Variants in TOX observed in about 807,000 individuals in gnomAD.
TOX encodes the protein thymocyte selection associated high mobility group box.
In TOX, 11 loss-of-function variants were observed where a neutral mutation model predicts 53.7. That is an observed-to-expected ratio of 0.20 (90% CI 0.13 to 0.34). The LOEUF is 0.34. Ranked by LOEUF, TOX falls within the 10% of genes least tolerant of loss-of-function variation. The pLI is 1.00. For missense variants in TOX, 570 were observed against 664.6 expected (o/e 0.86, Z 1.56); for synonymous variants, 225 against 245.3 (o/e 0.92, Z 0.77).
At chr8:59,059,604 G>T (rs535146705) in intron 1 of TOX, among the ~76,000 whole-genome samples, 16 of 152,214 alleles carry the variant, frequency 1.1e-4, no homozygotes, top group Admixed American at 9.2e-4. Context: ...ATTCAAGAAA[G>T]AATCCCATAT....
At chr8:59,079,174 T>C (rs1191659321) in intron 1 of TOX, among the ~76,000 whole-genome samples, 2 of 152,164 alleles carry the variant, frequency 1.3e-5, no homozygotes, top group Non-Finnish European at 2.9e-5. Context: ...AAGCAGAGCA[T>C]AAAAGTTTGC....
At chr8:59,087,859 C>T (rs543859639) in intron 1 of TOX, among the ~76,000 whole-genome samples, 14 of 152,180 alleles carry the variant, frequency 9.2e-5, no homozygotes, top group Admixed American at 5.9e-4. Context: ...ATGTCACAAC[C>T]GATTATGTTT....
At chr8:58,824,770 A>C (rs887561672) in intron 6 of TOX, among the ~76,000 whole-genome samples, 17 of 152,234 alleles carry the variant, frequency 1.1e-4, no homozygotes, top group African/African-American at 4.1e-4. Flanking sequence ...AAGTCTAAGG[A>C]AAGGATTTCC....
At chr8:58,834,263 T>C (rs1398490247) in intron 5 of TOX, among the ~76,000 whole-genome samples, 1 of 152,210 alleles carries the variant, frequency 6.6e-6, no homozygotes, top group African/African-American at 2.4e-5. Context: ...TGGGCTATGA[T>C]GACAACAGGA....
chr8:58,996,200 T>C (rs1813558808), intron 1 of TOX, among the ~76,000 whole-genome samples: 1 of 152,212 alleles, frequency 6.6e-6, no homozygotes, highest in Non-Finnish European at 1.5e-5. Flanking sequence ...TTTCTATACA[T>C]GTATTGTTTA....
intron 1 of TOX, among the ~76,000 whole-genome samples, chr8:59,002,606 AC>A (rs776057170): frequency 1.1e-5 from 1 of 91,282 alleles, no homozygotes; most frequent in Non-Finnish European, 2.8e-5. Flanking sequence ...AACAACAACA[AC>A]AAAAAAAAAA....
chr8:58,968,275 G>A (rs1440864296), intron 1 of TOX, among the ~76,000 whole-genome samples: 2 of 152,162 alleles, frequency 1.3e-5, no homozygotes, highest in Non-Finnish European at 2.9e-5. Context: ...TTACAAAAAG[G>A]CCTCCACAGG....
At chr8:58,832,612 A>T (rs1488313561) in intron 5 of TOX, among the ~76,000 whole-genome samples, 1 of 152,194 alleles carries the variant, frequency 6.6e-6, no homozygotes. Flanking sequence ...CAGCTGCCTC[A>T]TAAGTATAAT....
chr8:58,893,398 T>G (rs1218481360), intron 3 of TOX, among the ~76,000 whole-genome samples: 1 of 152,234 alleles, frequency 6.6e-6, no homozygotes, highest in Non-Finnish European at 1.5e-5. Context: ...TATTTCCAGA[T>G]GATATTCACC....
At chr8:58,926,242 G>T (rs1585904908) in intron 3 of TOX, among the ~76,000 whole-genome samples, 1 of 152,166 alleles carries the variant, frequency 6.6e-6, no homozygotes, top group South Asian at 2.1e-4. Flanking sequence ...CCCTAGGCTG[G>T]GTGAGAGGAA....
chr8:59,070,634 G>GGA (rs774349697), intron 1 of TOX, among the ~76,000 whole-genome samples: 1 of 151,488 alleles, frequency 6.6e-6, no homozygotes, highest in Non-Finnish European at 1.5e-5. Flanking sequence ...TTGGTTAGAA[G>GGA]GAGAGAGAGA....
chr8:59,087,249 C>T (rs1804528402), intron 1 of TOX, among the ~76,000 whole-genome samples: 1 of 152,114 alleles, frequency 6.6e-6, no homozygotes, highest in African/African-American at 2.4e-5. Context: ...AGCTGGCATG[C>T]CCAAAACCGT....
chr8:59,051,827 T>C (rs1803796089), intron 1 of TOX, among the ~76,000 whole-genome samples: 1 of 152,188 alleles, frequency 6.6e-6, no homozygotes, highest in African/African-American at 2.4e-5. Context: ...CTCCCAATAC[T>C]GCCCTGATTT....
chr8:59,091,359 G>A (rs1056256048), intron 1 of TOX, among the ~76,000 whole-genome samples: 3 of 152,070 alleles, frequency 2.0e-5, no homozygotes, highest in Non-Finnish European at 4.4e-5. Context: ...TCCCTGGAAC[G>A]CTCTATTCTC....
At chr8:59,079,303 C>A (rs929197092) in intron 1 of TOX, among the ~76,000 whole-genome samples, 1 of 152,212 alleles carries the variant, frequency 6.6e-6, no homozygotes, top group African/African-American at 2.4e-5. Flanking sequence ...TAAGTGCTAA[C>A]ATCCAAGACA....
intron 1 of TOX, among the ~76,000 whole-genome samples, chr8:59,052,406 A>G (rs114858720): frequency 6.6e-6 from 1 of 152,192 alleles, no homozygotes; most frequent in African/African-American, 2.4e-5. Context: ...TCATGTGGAA[A>G]TAAATCATAT....
chr8:58,922,424 C>T (rs1812089321), intron 3 of TOX, among the ~76,000 whole-genome samples: 1 of 152,236 alleles, frequency 6.6e-6, no homozygotes, highest in Admixed American at 6.5e-5. Flanking sequence ...CCACCTGCTT[C>T]TATGGAATCC....
chr8:58,814,561 T>G (rs1810141254), intron 7 of TOX: 1 of 152,206 alleles, frequency 6.6e-6, no homozygotes, highest in Non-Finnish European at 1.5e-5. Flanking sequence ...CTGCTTTTAT[T>G]TTTTAAAATA....
chr8:58,967,768 C>T (rs1477778720), intron 1 of TOX, among the ~76,000 whole-genome samples: 2 of 152,204 alleles, frequency 1.3e-5, no homozygotes, highest in African/African-American at 4.8e-5. Context: ...TTTTCTTCTC[C>T]ATGCCTCCCT....
Sources: gnomAD v4.1 joint callset for allele counts (sites outside exome capture counted in the v4.1 genomes callset) on GRCh38, gnomAD v4.1.1 for gene constraint, MANE v1.5 for transcripts, NCBI Gene and HGNC (gene_info 2026-07-23, HGNC 2026-07-21) for gene names.